ABCA13: variants seen among roughly 807,000 people sequenced by gnomAD.
ABCA13 encodes the protein ATP-binding cassette sub-family A member 13.
Under a neutral mutation model 478.7 loss-of-function variants are expected in ABCA13, and 476 were observed. The ratio of observed to expected loss-of-function variants is 0.99; its 90% CI spans 0.92 to 1.07. ABCA13 has a LOEUF of 1.07. ABCA13 is among the 50% of genes least tolerant of loss of function. The pLI, the probability that ABCA13 is intolerant of heterozygous loss-of-function variation, is 0.00. For synonymous variants in ABCA13, 2,252 were observed against 2,158.9 expected, an observed-to-expected ratio of 1.04 and a Z score of -1.20; for missense variants, 6,060 against 5,910.6, an observed-to-expected ratio of 1.03 and a Z score of -0.83.
intron 3 of ABCA13, among the ~76,000 whole-genome samples, chr7:48,202,199 C>A (rs1054221447): frequency 6.6e-6 from 1 of 152,198 alleles, no homozygotes; most frequent in Non-Finnish European, 1.5e-5. Context: ...CTGGCTAGGG[C>A]AGCCTGCTTT....
At chr7:48,223,320 T>C (rs1301140486) in intron 5 of ABCA13, among the ~76,000 whole-genome samples, 5 of 152,144 alleles carry the variant, frequency 3.3e-5, no homozygotes, top group African/African-American at 1.2e-4. Context: ...GCTGGATATA[T>C]CAATTTAGAA....
chr7:48,486,797 A>C (rs1829347232), intron 47 of ABCA13, among the ~76,000 whole-genome samples: 1 of 152,120 alleles, frequency 6.6e-6, no homozygotes, highest in African/African-American at 2.4e-5. Context: ...TTCAGCTGGG[A>C]TGACAGTGGA....
At chr7:48,540,269 T>G (rs1214371926) in intron 55 of ABCA13, among the ~76,000 whole-genome samples, 1 of 152,172 alleles carries the variant, frequency 6.6e-6, no homozygotes, top group Non-Finnish European at 1.5e-5. Flanking sequence ...GTTTATTTCT[T>G]CATCCCTGGA....
In ABCA13 at chr7:48,279,184, C is replaced by A; in HGVS notation, c.7990C>A (p.Gln2664Lys). The A allele has an allele frequency of 6.3e-7, 1 of 1,598,490 alleles. No individual in the cohort carries two copies. The highest frequency in any genetic ancestry group is 1.1e-5 in the South Asian group (1 of 89,402). ...TGCGGTAGCATTTAACAATGAGACT[C>A]AAACATTTTCTATGGATTCTGTCAA... ...SLAVAFNNET[Q>K]TFSMDSVNLR... Residue 2664 changes from glutamine to lysine, a missense_variant, in exon 18 of 62, where the codon CAA (glutamine) becomes AAA (lysine). By Grantham distance (53) the Gln-to-Lys change is moderately conservative. Coordinates refer to ENST00000435803, the MANE Select transcript of ABCA13 (RefSeq NM_152701.5).
intron 15 of ABCA13, among the ~76,000 whole-genome samples, chr7:48,258,274 C>G (rs940569026): frequency 6.6e-6 from 1 of 152,102 alleles, no homozygotes; most frequent in Admixed American, 6.5e-5. Context: ...TCATATTGAT[C>G]AGTTCAGGGA....
At chr7:48,485,667 A>G (rs1301399891) in intron 47 of ABCA13, among the ~76,000 whole-genome samples, 1 of 152,218 alleles carries the variant, frequency 6.6e-6, no homozygotes, top group Non-Finnish European at 1.5e-5. Flanking sequence ...TTTATTGCCA[A>G]AATGATGCTA....
intron 55 of ABCA13, among the ~76,000 whole-genome samples, chr7:48,546,703 G>A (rs1303469258): frequency 6.6e-6 from 1 of 151,438 alleles, no homozygotes; most frequent in Non-Finnish European, 1.5e-5. Flanking sequence ...GAATTCATGT[G>A]AACAATAACT....
At chr7:48,617,467 G>A (rs1316613167) in intron 59 of ABCA13, among the ~76,000 whole-genome samples, 1 of 152,214 alleles carries the variant, frequency 6.6e-6, no homozygotes, top group African/African-American at 2.4e-5. Flanking sequence ...TTTCCCCGTG[G>A]AGAGGCAGGA....
intron 28 of ABCA13, among the ~76,000 whole-genome samples, chr7:48,337,205 G>A (rs1256389749): frequency 1.3e-5 from 2 of 152,144 alleles, no homozygotes; most frequent in East Asian, 1.9e-4. Flanking sequence ...TGCAGGCCTG[G>A]TTCTGCCACT....
chr7:48,465,166 C>T (rs574984956), intron 43 of ABCA13, among the ~76,000 whole-genome samples: 13 of 152,102 alleles, frequency 8.5e-5, no homozygotes, highest in African/African-American at 2.4e-4. Flanking sequence ...TATTTCAAAA[C>T]GCATAGGTAA....
chr7:48,611,555 G>A (rs1159717623), intron 58 of ABCA13, among the ~76,000 whole-genome samples: 1 of 152,196 alleles, frequency 6.6e-6, no homozygotes, highest in Non-Finnish European at 1.5e-5. Context: ...AGAAGGCAAA[G>A]GGGCAGTGGG....
rs931058568 is a variant in ABCA13 at position 48,278,542 on chromosome 7, C to T, written c.7348C>T (p.Leu2450Phe). ...ALYPTLQEVI[L>F]ANLTDLLFFI... is the part of the protein sequence containing the mutation. Reference sequence around the variant, plus strand: ...GTATCCTACCCTCCAAGAAGTTATACTTGCTAATCTAACGGATTTGCTTTT... The same window carrying T: ...GTATCCTACCCTCCAAGAAGTTATATTTGCTAATCTAACGGATTTGCTTTT... The change falls in exon 18 of 62, where the codon CTT (leucine) becomes TTT (phenylalanine). Residue 2450 changes from leucine (L) to phenylalanine (F), a missense_variant. Physicochemically the swap from Leu to Phe is conservative, Grantham distance 22. Transcript: ENST00000435803. 1 of 1,613,906 alleles carries T rather than the reference C, an allele frequency of 6.2e-7. No homozygotes were observed. The highest frequency in any genetic ancestry group is 8.5e-7 in the Non-Finnish European group (1 of 1,179,846).
intron 1 of ABCA13, among the ~76,000 whole-genome samples, chr7:48,176,538 A>G (rs1300205638): frequency 2.0e-4 from 30 of 152,206 alleles, no homozygotes. Flanking sequence ...GATAAAATGC[A>G]TACTTTCTTT....
In ABCA13 at chr7:48,486,064, T is replaced by C. The variant is rs150132211; in HGVS notation, c.13182+2901T>C. ...GGTACCTTCTTGATATAGCTTCCTA[T>C]AAAGCACCCTAGGCTTTCTAGTTTT... On this transcript the variant is annotated intron_variant, in intron 47 of 61. Coordinates refer to ENST00000435803, the MANE Select transcript of ABCA13 (RefSeq NM_152701.5). 1.4e-3 allele frequency among the ~76,000 whole-genome samples: 213 copies of C among 152,286 alleles called. 1 individual carries two copies. In the Middle Eastern group the frequency reaches 0.027, roughly 19 times the overall value.
At chr7:48,234,333 C>G in intron 8 of ABCA13, 182 bp downstream of exon 8, 1 of 722,434 alleles carries the variant, frequency 1.4e-6, no homozygotes, top group Non-Finnish European at 2.4e-6. Context: ...CTAGAAGTGT[C>G]TCTTTCTTCT....
At chr7:48,412,324 GCTT>G in intron 40 of ABCA13, 26 bp from the exon 41 acceptor site, 1 of 1,551,926 alleles carries the variant, frequency 6.4e-7, no homozygotes, top group Non-Finnish European at 8.8e-7. Context: ...TTCCTTACTG[GCTT>G]CTTTTTTCCT....
At chr7:48,295,925 G>T in intron 21 of ABCA13, 62 bp downstream of exon 21, 1 of 1,506,266 alleles carries the variant, frequency 6.6e-7, no homozygotes, top group Non-Finnish European at 8.9e-7. Context: ...GGATGTCTAG[G>T]ACTCTTTAAA....
At chr7:48,543,573 G>C (rs1010965973) in intron 55 of ABCA13, among the ~76,000 whole-genome samples, 17 of 151,452 alleles carry the variant, frequency 1.1e-4, no homozygotes, top group African/African-American at 4.1e-4. Context: ...GCAGTGAGCC[G>C]AGATCGCACC....
intron 55 of ABCA13, among the ~76,000 whole-genome samples, chr7:48,565,731 A>G: frequency 6.6e-6 from 1 of 152,184 alleles, no homozygotes; most frequent in East Asian, 1.9e-4. Context: ...GAGCATCGTA[A>G]TCTTTCTAAA....
Sources: allele counts gnomAD v4.1 joint callset (sites outside exome capture counted in the v4.1 genomes callset), GRCh38; gene constraint gnomAD v4.1.1; transcripts MANE v1.5; gene names NCBI Gene and HGNC (gene_info 2026-07-23, HGNC 2026-07-21).